The following EEF1B2 variants were observed in gnomAD, a reference collection of about 807,000 sequenced individuals.
EEF1B2 encodes eukaryotic translation elongation factor 1 beta 2.
A neutral mutation model predicts 28.3 loss-of-function variants in EEF1B2; 12 were observed. The ratio of observed to expected loss-of-function variants is 0.42; its 90% CI spans 0.27 to 0.69. The LOEUF (loss-of-function observed/expected upper bound fraction) is 0.69, where lower values mean the gene tolerates loss of function less well. Among genes scored for constraint, EEF1B2 ranks in the 30% least tolerant of loss-of-function variants. The pLI is 0.22. For missense variants in EEF1B2, 234 were observed against 272.6 expected, an observed-to-expected ratio of 0.86 and a Z score of 1.00; for synonymous variants, 83 against 99.9, an observed-to-expected ratio of 0.83 and a Z score of 1.01.
At position 206,161,317 on chromosome 2, in the gene EEF1B2, A is replaced by G. The variant is rs200296478; in HGVS notation, c.204-29A>G. The G allele has an allele frequency of 2.5e-5, 40 of 1,612,644 alleles. No individual in the cohort carries two copies. The East Asian group carries it at 6.7e-4, about 27-fold the overall frequency. On this transcript the variant is annotated intron_variant, in intron 2 of 5. Transcript: ENST00000392222. ...TGGAAAAGGATGTTATACTAGCTCAATAGTGGTTGAATTTAAATGTTTTTC... is the reference window on the plus strand; with the variant it reads ...TGGAAAAGGATGTTATACTAGCTCAGTAGTGGTTGAATTTAAATGTTTTTC...
chr2:206,161,220 G>GA, intron 2 of EEF1B2, 126 bp from the exon 3 acceptor site: 1 of 1,391,918 alleles, frequency 7.2e-7, no homozygotes, highest in Non-Finnish European at 9.8e-7. Flanking sequence ...GGGCGCATGT[G>GA]AAAGGGTAAA....
chr2:206,160,221 G>A (rs1247592383), intron 1 of EEF1B2, among the ~76,000 whole-genome samples, 162 bp downstream of exon 1: 1 of 152,214 alleles, frequency 6.6e-6, no homozygotes, highest in Non-Finnish European at 1.5e-5. Flanking sequence ...CAAGGCCCTC[G>A]TGTGGGGCGA....
At chr2:206,160,134 C>T (rs1324351507) in intron 1 of EEF1B2, 75 bp downstream of exon 1, 20 of 1,542,370 alleles carry the variant, frequency 1.3e-5, no homozygotes, top group Non-Finnish European at 1.7e-5. Flanking sequence ...CGCAGCGTGT[C>T]GGCTGCCGCG....
At chr2:206,160,789 C>T (rs560268820) in intron 2 of EEF1B2, 79 bp downstream of exon 2, 1 of 1,606,806 alleles carries the variant, frequency 6.2e-7, no homozygotes, top group East Asian at 2.2e-5. Flanking sequence ...CAAAACTGGA[C>T]CCAGGCTACT....
At chr2:206,160,298 C>A (rs1004945256) in intron 1 of EEF1B2, among the ~76,000 whole-genome samples, 2 of 152,218 alleles carry the variant, frequency 1.3e-5, no homozygotes, top group South Asian at 4.1e-4. Flanking sequence ...ACACTTAATT[C>A]AGCCAGGTGT....
intron 2 of EEF1B2, chr2:206,161,069 AT>A: frequency 1.7e-6 from 1 of 585,102 alleles, no homozygotes; most frequent in Non-Finnish European, 3.1e-6. Context: ...TTCACTAAGA[AT>A]GGAACTGAGC....
chr2:206,160,529 T>C (rs1687887995), intron 1 of EEF1B2, 59 bp from the exon 2 acceptor site: 1 of 1,612,324 alleles, frequency 6.2e-7, no homozygotes, highest in Admixed American at 1.7e-5. Flanking sequence ...GTATTTATTA[T>C]TTATTCGCTG....
At chr2:206,160,988 C>T (rs1687912446) in intron 2 of EEF1B2, 6 of 670,274 alleles carry the variant, frequency 9.0e-6, no homozygotes, top group Middle Eastern at 4.8e-4. Context: ...GAGGGTGGCT[C>T]ATTCATTCAG....
chr2:206,161,995 A>G lies in EEF1B2; in HGVS notation c.331-43A>G, dbSNP rs539883158. ...TGACCCCACTAGCTTTAAGCAGAGG[A>G]ACAACCAGCTTTCTGAAGTGGATTA... is the stretch of plus-strand genomic sequence containing the variant. On this transcript the variant is annotated intron_variant, in intron 3 of 5. Coordinates refer to ENST00000392222, the MANE Select transcript of EEF1B2 (RefSeq NM_001959.4). 8 of 1,567,772 alleles carry G rather than the reference A, an allele frequency of 5.1e-6. No homozygotes were observed. The Admixed American group carries it at 6.7e-5, about 13-fold the overall frequency.
intron 5 of EEF1B2, 47 bp from the exon 6 acceptor site, chr2:206,162,664 GCCTACAGTTTCAACCTTT>G: frequency 2.5e-6 from 4 of 1,571,490 alleles, no homozygotes; most frequent in Non-Finnish European, 3.4e-6. Flanking sequence ...TCTGGAATTT[GCCTACAGTTTCAACCTTT>G]CCTACAAGAC....
chr2:206,162,684 C>T lies in EEF1B2; in HGVS notation c.524-45C>T, dbSNP rs868231442. 8 of 1,460,504 alleles carry T rather than the reference C, an allele frequency of 5.5e-6. No homozygotes were observed. The Middle Eastern group carries it at 1.3e-3, about 229-fold the overall frequency. The allele number at this position is 1,460,504 out of a possible 1,614,324, so 90.5% of individuals were successfully genotyped here. ...AATTTGCCTACAGTTTCAACCTTTC[C>T]TACAAGACTTTTCTAACTAGGATTT... On this transcript the variant is annotated intron_variant, in intron 5 of 5. Coordinates refer to ENST00000392222, the MANE Select transcript of EEF1B2 (RefSeq NM_001959.4).
rs11546379 is a variant in EEF1B2 at position 206,161,402 on chromosome 2, C to T, written c.260C>T (p.Thr87Ile). 2 of 1,614,122 alleles carry T rather than the reference C, an allele frequency of 1.2e-6. No individual in the cohort carries two copies. Among genetic ancestry groups the T allele is most frequent in the Admixed American group, 3.3e-5 (2 of 60,014 alleles). ...GKYGPADVED[T>I]TGSGATDSKD... The stretch of plus-strand genomic sequence containing the variant: ...TATGGTCCTGCCGATGTGGAAGACA[C>T]TACAGGAAGTGGAGCTACAGATAGT... The change falls in exon 3 of 6, where the codon ACT (threonine) becomes ATT (isoleucine). Residue 87 changes from threonine to isoleucine, a missense_variant. By Grantham distance (89) the Thr-to-Ile change is moderately conservative. Around this residue, in one of 2 missense-constraint regions of EEF1B2, gnomAD observed 178 missense variants for 173.3 expected, o/e 1.03. Transcript: ENST00000392222.
At chr2:206,160,953 C>T (rs1442143751) in intron 2 of EEF1B2, 2 of 715,836 alleles carry the variant, frequency 2.8e-6, no homozygotes, top group East Asian at 5.8e-5. Context: ...TCGACCTTGA[C>T]CTGGGGGGCC....
intron 1 of EEF1B2, 62 bp downstream of exon 1, chr2:206,160,121 T>G (rs1687864643): frequency 1.3e-6 from 2 of 1,573,646 alleles, no homozygotes; most frequent in African/African-American, 1.4e-5. Context: ...CGGGGCCACG[T>G]GGCGCAGCGT....
chr2:206,162,633 T>C lies in EEF1B2; in HGVS notation c.523+19T>C. On this transcript the variant is annotated intron_variant, in intron 5 of 5. Transcript: ENST00000392222. Reference sequence around the variant, plus strand: ...GGCTCATGTGAGTTTAGGCTTTGCCTTTTTTTTTTTGAAACTAACATCTGG... The same window carrying C: ...GGCTCATGTGAGTTTAGGCTTTGCCCTTTTTTTTTTGAAACTAACATCTGG... The C allele has an allele frequency of 1.3e-6, 1 of 768,376 alleles. No individual in the cohort carries two copies. The highest frequency in any genetic ancestry group is 1.8e-6 in the Non-Finnish European group (1 of 554,984). 47.6% of individuals were successfully genotyped at this position (768,376 alleles called of 1,614,324 possible).
chr2:206,161,344 A>G lies in EEF1B2; in HGVS notation c.204-2A>G, dbSNP rs1209621389. 1.9e-6 allele frequency: 3 copies of G among 1,613,766 alleles called. No homozygotes were observed. Among genetic ancestry groups the G allele is most frequent in the Non-Finnish European group, 2.5e-6 (3 of 1,179,926 alleles). On this transcript the variant is annotated splice_acceptor_variant, in intron 2 of 5. Coordinates refer to ENST00000392222, the MANE Select transcript of EEF1B2 (RefSeq NM_001959.4). LOFTEE classifies it high-confidence loss of function. Reference sequence around the variant, plus strand: ...AGTGGTTGAATTTAAATGTTTTTCAAGCCTGCCAGGAGTGAAGAAAGCTTT... The same window carrying G: ...AGTGGTTGAATTTAAATGTTTTTCAGGCCTGCCAGGAGTGAAGAAAGCTTT...
chr2:206,160,749 C>T (rs776845387), intron 2 of EEF1B2, 39 bp downstream of exon 2: 3 of 1,613,452 alleles, frequency 1.9e-6, no homozygotes, highest in Non-Finnish European at 2.5e-6. Flanking sequence ...AATAAGACTG[C>T]TCTCGAAGTT....
intron 2 of EEF1B2, 23 bp downstream of exon 2, chr2:206,160,733 C>G (rs574746943): frequency 1.2e-6 from 2 of 1,613,944 alleles, no homozygotes; most frequent in Admixed American, 3.3e-5. Context: ...TTGTATAGAG[C>G]TGAAGAATAA....
Position 206,160,664 on chromosome 2 carries a change from C to G in EEF1B2, c.157C>G (p.Leu53Val). The change falls in exon 2 of 6, where the codon CTA becomes GTA. Residue 53 changes from leucine (L) to valine (V), a missense_variant. Leu to Val is a conservative substitution (Grantham distance 32). Around this residue, in one of 2 missense-constraint regions of EEF1B2, gnomAD observed 178 missense variants for 173.3 expected, o/e 1.03. Transcript: ENST00000392222. ...ACCGCCTGCCGACTTGTGTCATGCC[C>G]TACGTTGGTATAATCACATCAAGTC... ...SPPPADLCHA[L>V]RWYNHIKSYE... 1 of 1,614,052 alleles carries G rather than the reference C, an allele frequency of 6.2e-7. No individual in the cohort carries two copies. Among genetic ancestry groups the G allele is most frequent in the Non-Finnish European group, 8.5e-7 (1 of 1,180,030 alleles).
Sources: allele counts gnomAD v4.1 joint callset (sites outside exome capture counted in the v4.1 genomes callset), GRCh38; gene constraint gnomAD v4.1.1; regional missense constraint gnomAD v4.1.1; transcripts MANE v1.5; gene names NCBI Gene and HGNC (gene_info 2026-07-23, HGNC 2026-07-21).